The following CALN1 variants were observed in gnomAD, a reference collection of about 807,000 sequenced individuals.
CALN1 encodes the protein calneuron 1, also known as calcium-binding protein 8.
In CALN1, 17 loss-of-function variants were observed where a neutral mutation model predicts 30.6. The ratio of observed to expected loss-of-function variants is 0.56; its 90% CI spans 0.38 to 0.83. The LOEUF (loss-of-function observed/expected upper bound fraction) is 0.83, where lower values mean the gene tolerates loss of function less well. Ranked by LOEUF, CALN1 falls within the 40% of genes least tolerant of loss-of-function variation. The pLI, the probability that CALN1 is intolerant of heterozygous loss-of-function variation, is 0.00. For missense variants in CALN1, 291 were observed against 354.9 expected, an observed-to-expected ratio of 0.82 and a Z score of 1.45; for synonymous variants, 156 against 131.4, an observed-to-expected ratio of 1.19 and a Z score of -1.28.
At chr7:72,437,266 C>T (rs1213592471) in intron 1 of CALN1, among the ~76,000 whole-genome samples, 1 of 152,154 alleles carries the variant, frequency 6.6e-6, no homozygotes, top group Non-Finnish European at 1.5e-5. Context: ...TCATGGGCCT[C>T]AGTTTTTTCA....
intron 6 of CALN1, among the ~76,000 whole-genome samples, chr7:71,807,659 C>T (rs964178512): frequency 2.6e-5 from 4 of 152,078 alleles, no homozygotes; most frequent in African/African-American, 9.7e-5. Context: ...TAGTGCAGTG[C>T]CTGGACTAAC....
intron 2 of CALN1, among the ~76,000 whole-genome samples, chr7:72,280,161 C>T (rs960954479): frequency 2.0e-5 from 3 of 152,196 alleles, no homozygotes; most frequent in Non-Finnish European, 4.4e-5. Context: ...AATTAATTAT[C>T]TTCCTACAAA....
chr7:71,807,957 C>G (rs917027642), intron 6 of CALN1, among the ~76,000 whole-genome samples: 2 of 152,000 alleles, frequency 1.3e-5, no homozygotes, highest in African/African-American at 4.8e-5. Context: ...ACCTGTAGTC[C>G]CAGCTATTCG....
At chr7:72,330,483 A>G (rs1398162922) in intron 2 of CALN1, among the ~76,000 whole-genome samples, 28 of 151,600 alleles carry the variant, frequency 1.8e-4, no homozygotes, top group South Asian at 6.3e-4. Context: ...AAAAAAAAAA[A>G]AAAGAGAGAG....
chr7:71,836,170 ATCAACCGGGTC>A (rs1208703078), intron 5 of CALN1, among the ~76,000 whole-genome samples: 3 of 152,200 alleles, frequency 2.0e-5, no homozygotes, highest in African/African-American at 7.2e-5. Flanking sequence ...CCCAGCCTGG[ATCAACCGGGTC>A]TCCGCCTACC....
chr7:72,038,689 G>T (rs1368093309), intron 4 of CALN1, among the ~76,000 whole-genome samples: 1 of 152,164 alleles, frequency 6.6e-6, no homozygotes, highest in Non-Finnish European at 1.5e-5. Context: ...TTGCAGTAAA[G>T]AAACCAGCCA....
At chr7:71,905,374 A>C (rs1463044621) in intron 5 of CALN1, among the ~76,000 whole-genome samples, 1 of 145,918 alleles carries the variant, frequency 6.9e-6, no homozygotes, top group East Asian at 2.2e-4. Flanking sequence ...CATTGTACCT[A>C]ATGTGTAGTT....
intron 2 of CALN1, among the ~76,000 whole-genome samples, chr7:72,314,366 C>CATATATATACACATATATACATATACAT (rs371418054): frequency 2.4e-5 from 2 of 81,804 alleles, no homozygotes; most frequent in African/African-American, 5.5e-5. Context: ...TATACATATA[C>CATATATATACACATATATACATATACAT]ATATATACAC....
At chr7:71,788,359 C>T (rs79689267) in intron 6 of CALN1, among the ~76,000 whole-genome samples, 1,718 of 152,226 alleles carry the variant, frequency 0.011, 35 homozygotes, top group African/African-American at 0.036. Flanking sequence ...ACTTACCTTT[C>T]CTGGACGTTT....
At chr7:72,071,793 A>C (rs1804413039) in intron 4 of CALN1, among the ~76,000 whole-genome samples, 1 of 152,258 alleles carries the variant, frequency 6.6e-6, no homozygotes, top group Non-Finnish European at 1.5e-5. Flanking sequence ...ACTGTCTTTC[A>C]AAAAGACCTA....
intron 5 of CALN1, among the ~76,000 whole-genome samples, chr7:71,980,813 G>A (rs1798355093): frequency 6.6e-6 from 1 of 152,114 alleles, no homozygotes; most frequent in Admixed American, 6.6e-5. Flanking sequence ...AGGTAGCGGG[G>A]TGCTCCTCCC....
chr7:72,209,234 T>C (rs1792160095), intron 3 of CALN1, among the ~76,000 whole-genome samples: 1 of 128,258 alleles, frequency 7.8e-6, no homozygotes, highest in African/African-American at 2.9e-5. Flanking sequence ...CCCTCTTTCC[T>C]TCCCTCTTTC....
chr7:72,413,539 A>G (rs1807312296), upstream of CALN1, among the ~76,000 whole-genome samples: 1 of 151,370 alleles, frequency 6.6e-6, no homozygotes, highest in African/African-American at 2.4e-5. Context: ...ACGCACACTC[A>G]CAAGCTCATA....
intron 2 of CALN1, among the ~76,000 whole-genome samples, chr7:72,286,528 A>G (rs1419316574): frequency 6.6e-6 from 1 of 152,144 alleles, no homozygotes; most frequent in East Asian, 1.9e-4. Flanking sequence ...ACCCAGAAAT[A>G]TATATGTCTT....
At chr7:72,190,417 G>A (rs1348952511) in intron 3 of CALN1, among the ~76,000 whole-genome samples, 1 of 152,174 alleles carries the variant, frequency 6.6e-6, no homozygotes, top group African/African-American at 2.4e-5. Context: ...ACCAGCTGAT[G>A]TGCATTGTAA....
intron 1 of CALN1, among the ~76,000 whole-genome samples, chr7:72,441,547 A>C (rs1808342965): frequency 6.8e-6 from 1 of 147,834 alleles, no homozygotes; most frequent in Non-Finnish European, 1.5e-5. Flanking sequence ...GCAGTGGGCC[A>C]AGATTGCACC....
intron 3 of CALN1, among the ~76,000 whole-genome samples, chr7:72,223,877 C>A (rs1369292362): frequency 6.6e-6 from 1 of 152,166 alleles, no homozygotes; most frequent in Non-Finnish European, 1.5e-5. Flanking sequence ...AGGCTATCAT[C>A]CTAAGCAAGT....
intron 3 of CALN1, among the ~76,000 whole-genome samples, chr7:72,145,602 T>A (rs974768575): frequency 6.6e-6 from 1 of 152,104 alleles, no homozygotes; most frequent in African/African-American, 2.4e-5. Context: ...AAAGAGGGAA[T>A]CCTCCCTAAC....
At chr7:72,420,781 G>A (rs77274003) in intron 1 of CALN1, among the ~76,000 whole-genome samples, 6 of 151,868 alleles carry the variant, frequency 4.0e-5, no homozygotes, top group East Asian at 1.9e-4. Flanking sequence ...CACTACGCCC[G>A]GCTAATTTTT....
Sources: gnomAD v4.1 joint callset for allele counts (sites outside exome capture counted in the v4.1 genomes callset) on GRCh38, gnomAD v4.1.1 for gene constraint, MANE v1.5 for transcripts, NCBI Gene and HGNC (gene_info 2026-07-23, HGNC 2026-07-21) for gene names.